ULK2: variants seen among roughly 807,000 people sequenced by gnomAD.
ULK2 encodes the protein serine/threonine-protein kinase ULK2.
In ULK2, 76 loss-of-function variants were observed where a neutral mutation model predicts 127.5. The ratio of observed to expected loss-of-function variants is 0.60; its 90% CI spans 0.50 to 0.72. The LOEUF (loss-of-function observed/expected upper bound fraction) is 0.72, where lower values mean the gene tolerates loss of function less well. ULK2 is among the 30% of genes least tolerant of loss of function. The probability of loss-of-function intolerance (pLI) is 0.00; values close to 1 mark genes in which losing one functional copy is unlikely to be tolerated. For synonymous variants in ULK2, 452 were observed against 461.9 expected (o/e 0.98, Z 0.28); for missense variants, 1,144 against 1,295.9 (o/e 0.88, Z 1.80).
chr17:19,864,472 C>CA (rs201190960), intron 3 of ULK2, among the ~76,000 whole-genome samples: 128 of 136,290 alleles, frequency 9.4e-4, no homozygotes, highest in African/African-American at 1.5e-3. Context: ...GAGACTCCAT[C>CA]AAAAAAAAAA....
Position 19,867,687 on chromosome 17 carries a change from C to T in ULK2, c.-270G>A. On this transcript the variant is annotated 5_prime_UTR_variant, in exon 1 of 27. Coordinates refer to ENST00000395544, the MANE Select transcript of ULK2 (RefSeq NM_014683.4). ...CGCTGGCTGTCTGGCGAAGCGGCCT[C>T]GGCGCTGCCGGGCCAGGGGTGCCGT... The T allele has an allele frequency of 4.9e-6, 1 of 205,368 alleles. No homozygotes were observed. The highest frequency in any genetic ancestry group is 9.6e-6 in the Non-Finnish European group (1 of 103,940). The allele number at this position is 205,368 out of a possible 1,614,324, so 12.7% of individuals were successfully genotyped here.
chr17:19,809,643 G>A (rs913697827), intron 14 of ULK2, among the ~76,000 whole-genome samples: 10 of 139,262 alleles, frequency 7.2e-5, no homozygotes, highest in Admixed American at 5.8e-4. Flanking sequence ...TGAGGCAGGA[G>A]AATCACTTGA....
At chr17:19,849,434 A>G (rs1482729825) in intron 4 of ULK2, 29 bp from the exon 5 acceptor site, 1 of 1,588,146 alleles carries the variant, frequency 6.3e-7, no homozygotes, top group Non-Finnish European at 8.6e-7. Context: ...AGTAATGAAA[A>G]TAAGGACAGT....
At chr17:19,781,155 T>A (rs755943602) in intron 23 of ULK2, 51 bp from the exon 24 acceptor site, 3 of 1,520,364 alleles carry the variant, frequency 2.0e-6, no homozygotes, top group Non-Finnish European at 2.7e-6. Flanking sequence ...TAATGTAAGA[T>A]GTGGCACTCT....
At chr17:19,802,906 T>C (rs573783876) in intron 15 of ULK2, among the ~76,000 whole-genome samples, 2 of 152,330 alleles carry the variant, frequency 1.3e-5, no homozygotes, top group Non-Finnish European at 2.9e-5. Flanking sequence ...TATGCAGATA[T>C]TCCAATGCTG....
chr17:19,796,841 G>A (rs971430017), intron 18 of ULK2, among the ~76,000 whole-genome samples: 1 of 152,160 alleles, frequency 6.6e-6, no homozygotes, highest in Non-Finnish European at 1.5e-5. Context: ...CAAACCCACT[G>A]GCAGCTCTAT....
intron 13 of ULK2, 166 bp downstream of exon 13, chr17:19,816,583 C>A (rs2040994666): frequency 5.1e-6 from 3 of 586,794 alleles, no homozygotes; most frequent in African/African-American, 1.9e-5. Context: ...GATGATTGAG[C>A]AAATTTTAAA....
intron 12 of ULK2, among the ~76,000 whole-genome samples, chr17:19,818,580 T>C (rs1002902668): frequency 6.6e-6 from 1 of 152,070 alleles, no homozygotes; most frequent in Non-Finnish European, 1.5e-5. Context: ...GATGCTTCTC[T>C]TCCATGGGCG....
At chr17:19,840,240 A>G (rs556799529) in intron 9 of ULK2, 9 of 512,034 alleles carry the variant, frequency 1.8e-5, no homozygotes, top group South Asian at 7.2e-5. Context: ...GCAGTTGGCC[A>G]TAAGAGCCGG....
intron 12 of ULK2, among the ~76,000 whole-genome samples, chr17:19,820,891 A>G (rs2041125130): frequency 6.6e-6 from 1 of 152,224 alleles, no homozygotes; most frequent in African/African-American, 2.4e-5. Context: ...GCAATGACTG[A>G]GTTACCTACC....
chr17:19,794,588 A>G (rs1188448200), intron 20 of ULK2, among the ~76,000 whole-genome samples: 1 of 152,228 alleles, frequency 6.6e-6, no homozygotes, highest in Non-Finnish European at 1.5e-5. Flanking sequence ...ACTTCTCTTT[A>G]GAAACTATGC....
Position 19,826,148 on chromosome 17 carries a change from C to G in ULK2, c.826G>C (p.Val276Leu). ...FSHPFLEQGP[V>L]KKSCPVPVPM... The stretch of plus-strand genomic sequence containing the variant: ...AAAAATGGATACTCACATTTTTTTA[C>G]TGGACCTTGCTCAAGAAAAGGATGG... Residue 276 changes from valine to leucine, a missense_variant, in exon 11 of 27, where the codon GTA becomes CTA. Val to Leu is a conservative substitution (Grantham distance 32). Around this residue, in one of 2 missense-constraint regions of ULK2, gnomAD observed 913 missense variants for 970.5 expected, o/e 0.94. Transcript: ENST00000395544. 6.9e-7 allele frequency: 1 copy of G among 1,459,558 alleles called. No homozygotes were observed. Among genetic ancestry groups the G allele is most frequent in the Non-Finnish European group, 9.1e-7 (1 of 1,094,798 alleles). 90.4% of individuals were successfully genotyped at this position (1,459,558 alleles called of 1,614,324 possible).
chr17:19,860,342 G>A (rs1003290429), intron 3 of ULK2, among the ~76,000 whole-genome samples: 8 of 151,866 alleles, frequency 5.3e-5, no homozygotes, highest in Admixed American at 1.3e-4. Flanking sequence ...TATAAACTTC[G>A]GACAGATAAC....
chr17:19,802,828 T>A (rs1170374091), intron 15 of ULK2, among the ~76,000 whole-genome samples: 1 of 152,240 alleles, frequency 6.6e-6, no homozygotes, highest in Non-Finnish European at 1.5e-5. Flanking sequence ...GCACTTTGAA[T>A]GAAATTTTTA....
rs186766576 is a variant in ULK2, at chr17:19,839,345, C to T, written c.705-762G>A. Among the ~76,000 whole-genome samples the T allele has an allele frequency of 4.9e-4, 75 of 152,220 alleles. 1 individual carries two copies. In the East Asian group the frequency reaches 9.1e-3, roughly 18 times the overall value. ...AGGAAAATGAATTAATAGCAGTACA[C>T]AATTCAAAGAATAAGAATTACAAAA... On this transcript the variant is annotated intron_variant, in intron 9 of 26. Transcript: ENST00000395544.
chr17:19,847,878 G>C (rs1394241051), intron 5 of ULK2, among the ~76,000 whole-genome samples: 2 of 152,112 alleles, frequency 1.3e-5, no homozygotes, highest in Admixed American at 6.6e-5. Context: ...GTGTATGCCA[G>C]AGCATGTTGT....
chr17:19,833,165 A>G (rs540680143), intron 10 of ULK2, among the ~76,000 whole-genome samples: 5 of 149,546 alleles, frequency 3.3e-5, no homozygotes, highest in African/African-American at 7.5e-5. Flanking sequence ...ACAACCCCCA[A>G]TTGGGAGAGG....
At chr17:19,825,450 C>T (rs188690929) in intron 11 of ULK2, among the ~76,000 whole-genome samples, 1 of 152,334 alleles carries the variant, frequency 6.6e-6, no homozygotes, top group East Asian at 1.9e-4. Context: ...AGGCTCACTC[C>T]TATAATCCCA....
rs199912203 is a variant in ULK2, at chr17:19,796,276, C to A, written c.1816G>T (p.Ala606Ser). ...TGAGTTTTAGGGATTTTGAAAGGAG[C>A]TGTGGTCTAAAGAGACATATATATA... ...TIIGSPTKTT[A>S]PFKIPKTQAS... The change falls in exon 19 of 27, where the codon GCT (alanine) becomes TCT (serine). Residue 606 changes from alanine to serine, a missense_variant. Around this residue, in one of 2 missense-constraint regions of ULK2, gnomAD observed 913 missense variants for 970.5 expected, o/e 0.94. Transcript: ENST00000395544. 4 of 1,563,898 alleles carry A rather than the reference C, an allele frequency of 2.6e-6. No homozygotes were observed. Among genetic ancestry groups the A allele is most frequent in the African/African-American group, 3.4e-5 (2 of 58,028 alleles).
Sources: gnomAD v4.1 joint callset for allele counts (sites outside exome capture counted in the v4.1 genomes callset) on GRCh38, gnomAD v4.1.1 for gene constraint, gnomAD v4.1.1 regional missense constraint, MANE v1.5 for transcripts, NCBI Gene and HGNC (gene_info 2026-07-23, HGNC 2026-07-21) for gene names.